Variants in RARB observed in about 807,000 individuals in gnomAD.
RARB encodes retinoic acid receptor beta, also known as HBV-activated protein.
Under a neutral mutation model 51.9 loss-of-function variants are expected in RARB, and 17 were observed. The ratio of observed to expected loss-of-function variants is 0.33; its 90% CI spans 0.22 to 0.49. The LOEUF is 0.49. RARB is among the 20% of genes least tolerant of loss of function. The pLI is 0.99. For synonymous variants in RARB, 215 were observed against 195.4 expected, an observed-to-expected ratio of 1.10 and a Z score of -0.84; for missense variants, 369 against 550.8, an observed-to-expected ratio of 0.67 and a Z score of 3.30.
chr3:25,106,451 G>GGTTTTTTTTTTTTTTTTT lies in RARB; in HGVS notation c.-327-25710_-327-25709insGTTTTTTTTTTTTTTTTT, dbSNP rs1575163102. 1.7e-4 allele frequency among the ~76,000 whole-genome samples: 12 copies of GGTTTTTTTTTTTTTTTTT among 70,550 alleles called. 1 individual carries two copies. Among genetic ancestry groups the GGTTTTTTTTTTTTTTTTT allele is most frequent in the African/African-American group, 5.6e-4 (9 of 16,182 alleles). The allele number at this position is 70,550 out of a possible 152,430, so 46.3% of individuals were successfully genotyped here. ...CCACCATGCCCAGCTACTGTTTTTTGTTTTTTGTTTTTTTTTGTTTTGTTT... is the reference window on the plus strand; with the variant it reads ...CCACCATGCCCAGCTACTGTTTTTTGGTTTTTTTTTTTTTTTTTTTTTTTGTTTTTTTTTGTTTTGTTT... On this transcript the variant is annotated intron_variant, in intron 3 of 11. Coordinates refer to the RARB transcript ENST00000383772.
At chr3:25,494,253 G>GCACGCACACACACACACACA (rs1553623182) in intron 2 of RARB, among the ~76,000 whole-genome samples, 1 of 131,852 alleles carries the variant, frequency 7.6e-6, no homozygotes, top group African/African-American at 2.6e-5. Context: ...TGTATCTTAC[G>GCACGCACACACACACACACA]CACACACACA....
chr3:25,585,718 C>A (rs1701356979), intron 5 of RARB, among the ~76,000 whole-genome samples: 1 of 152,190 alleles, frequency 6.6e-6, no homozygotes, highest in Admixed American at 6.5e-5. Flanking sequence ...CTTGCCTCTG[C>A]CGGGGTTGCC....
chr3:24,983,905 A>G (rs538747458), intron 2 of RARB, among the ~76,000 whole-genome samples: 3 of 152,338 alleles, frequency 2.0e-5, no homozygotes, highest in South Asian at 4.1e-4. Flanking sequence ...ATTACAAAAA[A>G]GACATGTAGA....
At chr3:25,490,290 AT>A (rs1187617587) in intron 2 of RARB, among the ~76,000 whole-genome samples, 1 of 152,176 alleles carries the variant, frequency 6.6e-6, no homozygotes, top group African/African-American at 2.4e-5. Context: ...ACAAGCATTT[AT>A]TTTTCTGTAC....
chr3:24,962,710 C>A (rs1696168165), intron 2 of RARB, among the ~76,000 whole-genome samples: 1 of 152,130 alleles, frequency 6.6e-6, no homozygotes, highest in African/African-American at 2.4e-5. Context: ...CTAACTAATG[C>A]CTGATGATCT....
At chr3:25,297,835 G>C (rs1376567305) in intron 5 of RARB, among the ~76,000 whole-genome samples, 1 of 152,116 alleles carries the variant, frequency 6.6e-6, no homozygotes, top group Non-Finnish European at 1.5e-5. Context: ...TGTTGTCCTA[G>C]ATTTCTACTT....
chr3:24,932,290 C>T (rs963203146), intron 2 of RARB, among the ~76,000 whole-genome samples: 1 of 151,922 alleles, frequency 6.6e-6, no homozygotes. Flanking sequence ...AAAACTGGAC[C>T]AGGCCCCTCT....
At chr3:25,122,454 T>C (rs1699799262) in intron 3 of RARB, among the ~76,000 whole-genome samples, 2 of 152,098 alleles carry the variant, frequency 1.3e-5, no homozygotes, top group Admixed American at 1.3e-4. Flanking sequence ...ATTGAAACTT[T>C]ACAGTGCCAT....
At chr3:25,200,167 A>T (rs1315891291) in intron 5 of RARB, among the ~76,000 whole-genome samples, 1 of 152,026 alleles carries the variant, frequency 6.6e-6, no homozygotes, top group Non-Finnish European at 1.5e-5. Flanking sequence ...ATCTCACTGC[A>T]GTTTTGATTT....
intron 2 of RARB, among the ~76,000 whole-genome samples, chr3:24,866,937 G>A (rs1339102767): frequency 2.6e-5 from 4 of 152,036 alleles, no homozygotes; most frequent in Admixed American, 6.6e-5. Context: ...GATTGACTGG[G>A]GGTACAATCA....
At position 24,990,691 on chromosome 3, in the gene RARB, C is replaced by T. The variant is rs1194023512; in HGVS notation, c.-379-69434C>T. Among the ~76,000 whole-genome samples, 2 of 43,396 alleles carry T rather than the reference C, an allele frequency of 4.6e-5. 1 individual carries two copies. Among genetic ancestry groups the T allele is most frequent in the Non-Finnish European group, 8.8e-5 (2 of 22,840 alleles). The allele number at this position is 43,396 out of a possible 152,430, so 28.5% of individuals were successfully genotyped here. ...GTGTTTCTTTTAGTGTTTTTTATTA[C>T]ACCCTGCTCTTTGGCTTGTATAGTC... On this transcript the variant is annotated intron_variant, in intron 2 of 11. Coordinates refer to the RARB transcript ENST00000383772.
chr3:25,090,818 G>A lies in RARB; in HGVS notation c.-328+30642G>A, dbSNP rs138643977. 3.8e-3 allele frequency among the ~76,000 whole-genome samples: 571 copies of A among 152,234 alleles called. 8 individuals carry two copies. The highest frequency in any genetic ancestry group is 1.1e-3 in the Non-Finnish European group (75 of 68,014). On this transcript the variant is annotated intron_variant, in intron 3 of 11. Coordinates refer to the RARB transcript ENST00000383772. ...TTAGAATGAATAATTGCTGTATGGT[G>A]TATCACAACAACCGTCTCTTGTTCA...
chr3:25,066,444 C>T (rs997681575), intron 3 of RARB, among the ~76,000 whole-genome samples: 2 of 152,156 alleles, frequency 1.3e-5, no homozygotes, highest in South Asian at 4.1e-4. Context: ...TAATTTGTGC[C>T]CTATTCTTCC....
At chr3:25,464,679 T>C (rs1023203776) in intron 2 of RARB, among the ~76,000 whole-genome samples, 22 of 152,130 alleles carry the variant, frequency 1.4e-4, no homozygotes, top group Non-Finnish European at 2.1e-4. Context: ...AATATAATTT[T>C]ATTGTCATTT....
intron 5 of RARB, among the ~76,000 whole-genome samples, chr3:25,589,721 C>G (rs1232186934): frequency 1.3e-5 from 2 of 152,190 alleles, no homozygotes. Context: ...AGAGAAGGCT[C>G]TTTTTGCCCT....
At chr3:25,429,850 G>T (rs745351678) in intron 1 of RARB, among the ~76,000 whole-genome samples, 1 of 152,192 alleles carries the variant, frequency 6.6e-6, no homozygotes, top group African/African-American at 2.4e-5. Flanking sequence ...TAGATAAATG[G>T]CTCAGCTATC....
intron 5 of RARB, among the ~76,000 whole-genome samples, chr3:25,341,712 C>T (rs375904463): frequency 1.6e-4 from 24 of 152,136 alleles, no homozygotes; most frequent in African/African-American, 5.3e-4. Context: ...GGAAAGCCAC[C>T]GGTATCTAGT....
In RARB at chr3:24,912,972, A is replaced by ATTTTTTTTTT. The variant is rs71622787; in HGVS notation, c.-380+54222_-380+54223insTTTTTTTTTT. ...GTGGCAATACGCACACAAGGTACTG[A>ATTTTTTTTTT]TTCTTTTTTTTTTTTTTTTTTTTTT... is the stretch of plus-strand genomic sequence containing the variant. On this transcript the variant is annotated intron_variant, in intron 2 of 11. Transcript: ENST00000383772. Among the ~76,000 whole-genome samples, 26 of 57,626 alleles carry ATTTTTTTTTT rather than the reference A, an allele frequency of 4.5e-4. 2 individuals carry two copies. Among genetic ancestry groups the ATTTTTTTTTT allele is most frequent in the African/African-American group, 9.2e-4 (17 of 18,384 alleles). 37.8% of individuals were successfully genotyped at this position (57,626 alleles called of 152,430 possible).
intron 2 of RARB, among the ~76,000 whole-genome samples, chr3:25,056,878 T>G (rs1698452276): frequency 6.6e-6 from 1 of 152,092 alleles, no homozygotes; most frequent in South Asian, 2.1e-4. Context: ...AAAAAATTCC[T>G]TAATGACGAG....
Sources: gnomAD v4.1 joint callset for allele counts (sites outside exome capture counted in the v4.1 genomes callset) on GRCh38, gnomAD v4.1.1 for gene constraint, MANE v1.5 for transcripts, NCBI Gene and HGNC (gene_info 2026-07-23, HGNC 2026-07-21) for gene names.